The following CSMD1 variants were observed in gnomAD, a reference collection of about 807,000 sequenced individuals.
CSMD1 encodes the protein CUB and Sushi multiple domains 1.
CSMD1 carries 213 observed loss-of-function variants against 417.5 expected under a neutral mutation model. That is an observed-to-expected ratio of 0.51 (90% CI 0.46 to 0.57). CSMD1 has a LOEUF of 0.57. CSMD1 is among the 20% of genes least tolerant of loss of function. CSMD1 has a pLI of 0.00. For missense variants in CSMD1, 6,923 were observed against 4,529.7 expected, an observed-to-expected ratio of 1.53 and a Z score of -15.17; for synonymous variants, 2,862 against 1,736.8, an observed-to-expected ratio of 1.65 and a Z score of -16.11.
intron 23 of CSMD1, among the ~76,000 whole-genome samples, chr8:3,311,105 T>C (rs1336439233): frequency 7.0e-6 from 1 of 142,808 alleles, no homozygotes; most frequent in East Asian, 1.9e-4. Context: ...TAACTAACTT[T>C]CCAAATGTCT....
intron 52 of CSMD1, among the ~76,000 whole-genome samples, chr8:3,008,070 G>T (rs1291572334): frequency 6.6e-6 from 1 of 152,150 alleles, no homozygotes; most frequent in Admixed American, 6.5e-5. Flanking sequence ...ATAAATAAAA[G>T]CTACCAAACA....
intron 5 of CSMD1, among the ~76,000 whole-genome samples, chr8:3,783,994 C>A (rs904267888): frequency 6.6e-6 from 1 of 152,216 alleles, no homozygotes; most frequent in African/African-American, 2.4e-5. Flanking sequence ...TGGTGCCTGA[C>A]CTTTCTTATT....
chr8:4,054,999 T>C (rs1421099895), intron 3 of CSMD1, among the ~76,000 whole-genome samples: 2 of 152,200 alleles, frequency 1.3e-5, no homozygotes, highest in Non-Finnish European at 2.9e-5. Flanking sequence ...AAGAATGTCA[T>C]ATAAATGTGT....
intron 4 of CSMD1, among the ~76,000 whole-genome samples, chr8:4,029,903 C>G (rs199838639): frequency 6.6e-6 from 1 of 150,392 alleles, no homozygotes; most frequent in African/African-American, 2.5e-5. Flanking sequence ...TTGGTCAAAA[C>G]AAAGGGTCTA....
chr8:4,223,984 T>C (rs1563299487), intron 3 of CSMD1, among the ~76,000 whole-genome samples: 1 of 152,178 alleles, frequency 6.6e-6, no homozygotes, highest in Non-Finnish European at 1.5e-5. Flanking sequence ...AGAGCCTTTC[T>C]AGTAAAATTC....
In CSMD1 at chr8:2,937,419, C is replaced by G. The variant is rs183828351; in HGVS notation, c.*1166G>C. 5.3e-4 allele frequency: 68 copies of G among 129,400 alleles called. No individual in the cohort carries two copies. Among genetic ancestry groups the G allele is most frequent in the Middle Eastern group, 4.5e-3 (1 of 222 alleles). The allele number at this position is 129,400 out of a possible 1,614,324, so 8.0% of individuals were successfully genotyped here. A position where few individuals can be genotyped will look rare whatever the true frequency, so the allele number is the denominator to read the frequency against. On this transcript the variant is annotated 3_prime_UTR_variant, in exon 70 of 70. Transcript: ENST00000635120. ...TGTCTTTCAATGCAATATCAAAGAT[C>G]GATGGCACAGTAAAAGACAAAAAAA... is the stretch of plus-strand genomic sequence containing the variant.
chr8:4,219,994 G>C (rs541135076), intron 3 of CSMD1, among the ~76,000 whole-genome samples: 1 of 152,008 alleles, frequency 6.6e-6, no homozygotes, highest in East Asian at 1.9e-4. Context: ...CTGTCACCCA[G>C]GCTGGAGTGC....
At chr8:4,456,003 T>A (rs1435366306) in intron 2 of CSMD1, among the ~76,000 whole-genome samples, 1 of 121,714 alleles carries the variant, frequency 8.2e-6, no homozygotes, top group Non-Finnish European at 1.7e-5. Context: ...AAATTGCTTA[T>A]CTTCTCCTTA....
chr8:3,568,429 C>T (rs1314062977), intron 10 of CSMD1, among the ~76,000 whole-genome samples: 2 of 152,046 alleles, frequency 1.3e-5, no homozygotes, highest in African/African-American at 2.4e-5. Context: ...AAAAAGAAAA[C>T]TAAACAAAGA....
chr8:4,899,356 C>G, intron 1 of CSMD1, among the ~76,000 whole-genome samples: 1 of 151,810 alleles, frequency 6.6e-6, no homozygotes, highest in East Asian at 1.9e-4. Flanking sequence ...AAGTGAGCCA[C>G]TCAAAATAAA....
chr8:4,141,603 G>T (rs1199125539), intron 3 of CSMD1, among the ~76,000 whole-genome samples: 2 of 150,938 alleles, frequency 1.3e-5, no homozygotes, highest in Non-Finnish European at 2.9e-5. Context: ...AAATGGAGTT[G>T]TAACGATTCC....
At chr8:3,462,048 A>G (rs1223546597) in intron 12 of CSMD1, among the ~76,000 whole-genome samples, 2 of 152,066 alleles carry the variant, frequency 1.3e-5, no homozygotes, top group South Asian at 2.1e-4. Context: ...CCAGATGGAG[A>G]ATACTGACCA....
chr8:4,312,467 A>T (rs1478983867), intron 3 of CSMD1, among the ~76,000 whole-genome samples: 1 of 135,160 alleles, frequency 7.4e-6, no homozygotes, highest in Non-Finnish European at 1.5e-5. Flanking sequence ...ATATGCGCGT[A>T]TATATATATA....
intron 3 of CSMD1, among the ~76,000 whole-genome samples, chr8:4,202,700 C>G (rs1236017822): frequency 3.3e-5 from 5 of 152,144 alleles, no homozygotes. Context: ...GGGAGAACCA[C>G]ACTAATCAAA....
intron 7 of CSMD1, among the ~76,000 whole-genome samples, chr8:3,687,768 C>A (rs185507166): frequency 2.0e-5 from 3 of 152,294 alleles, no homozygotes; most frequent in East Asian, 3.9e-4. Flanking sequence ...ACGGCCAAGT[C>A]TGGCCTGTAA....
At chr8:4,094,285 A>G (rs1374871446) in intron 3 of CSMD1, among the ~76,000 whole-genome samples, 2 of 152,124 alleles carry the variant, frequency 1.3e-5, no homozygotes, top group Non-Finnish European at 2.9e-5. Flanking sequence ...GGGAGGCGGT[A>G]GGGAACAAGG....
intron 12 of CSMD1, among the ~76,000 whole-genome samples, chr8:3,443,295 C>T (rs1585172544): frequency 6.6e-6 from 1 of 152,102 alleles, no homozygotes; most frequent in Non-Finnish European, 1.5e-5. Flanking sequence ...TGTGGCCTCT[C>T]CATCTACTCT....
At chr8:2,939,067 C>G (rs577835450) in intron 69 of CSMD1, among the ~76,000 whole-genome samples, 1 of 152,174 alleles carries the variant, frequency 6.6e-6, no homozygotes, top group Non-Finnish European at 1.5e-5. Context: ...TGGGCTCAGG[C>G]GATCCTCCCA....
intron 3 of CSMD1, among the ~76,000 whole-genome samples, chr8:4,396,982 C>G (rs1465865317): frequency 6.6e-6 from 1 of 151,776 alleles, no homozygotes; most frequent in Non-Finnish European, 1.5e-5. Context: ...ACTAAAGGAC[C>G]TATTCATGTA....
Sources: gnomAD v4.1 joint callset for allele counts (sites outside exome capture counted in the v4.1 genomes callset) on GRCh38, gnomAD v4.1.1 for gene constraint, MANE v1.5 for transcripts, NCBI Gene and HGNC (gene_info 2026-07-23, HGNC 2026-07-21) for gene names.